FGFR2: variants seen among roughly 807,000 people sequenced by gnomAD.
FGFR2 encodes the protein fibroblast growth factor receptor 2.
A neutral mutation model predicts 95.9 loss-of-function variants in FGFR2; 19 were observed. That is an observed-to-expected ratio of 0.20 (90% CI 0.14 to 0.29). The LOEUF is 0.29. Among genes scored for constraint, FGFR2 ranks in the 10% least tolerant of loss-of-function variants. The pLI is 1.00. For synonymous variants in FGFR2, 392 were observed against 393.3 expected (o/e 1.00, Z 0.04); for missense variants, 707 against 1,056.9 (o/e 0.67, Z 4.59).
At chr10:121,534,138 G>A (rs373455901) in intron 6 of FGFR2, among the ~76,000 whole-genome samples, 13 of 124,070 alleles carry the variant, frequency 1.0e-4, no homozygotes, top group East Asian at 2.3e-4. Flanking sequence ...TCACTTTGTC[G>A]CCCAGGCTGG....
intron 2 of FGFR2, 140 bp downstream of exon 2, chr10:121,593,569 C>T: frequency 1.2e-5 from 9 of 753,148 alleles, no homozygotes; most frequent in South Asian, 7.6e-5. Flanking sequence ...TCTGCCTTGC[C>T]GGGAGCCAAG....
At chr10:121,573,988 AG>A (rs1173232661) in intron 2 of FGFR2, among the ~76,000 whole-genome samples, 1 of 152,154 alleles carries the variant, frequency 6.6e-6, no homozygotes, top group Non-Finnish European at 1.5e-5. Context: ...GCACATGGCA[AG>A]TAAGTGGCCG....
chr10:121,513,225 C>T (rs1054793760), intron 9 of FGFR2, among the ~76,000 whole-genome samples: 8 of 152,202 alleles, frequency 5.3e-5, no homozygotes, highest in African/African-American at 1.9e-4. Flanking sequence ...TGTGAGTATA[C>T]ATATAATTAC....
intron 6 of FGFR2, among the ~76,000 whole-genome samples, chr10:121,537,352 C>G (rs1853001185): frequency 6.6e-6 from 1 of 152,206 alleles, no homozygotes; most frequent in Non-Finnish European, 1.5e-5. Context: ...GATCCAATTC[C>G]ATTTAACTTG....
At chr10:121,507,921 C>A (rs7920203) in intron 9 of FGFR2, among the ~76,000 whole-genome samples, 1,667 of 151,994 alleles carry the variant, frequency 0.011, 28 homozygotes, top group African/African-American at 0.038. Flanking sequence ...TATTTGAAAG[C>A]TAATTAATAA....
At chr10:121,560,070 C>A (rs1856729699) in intron 4 of FGFR2, among the ~76,000 whole-genome samples, 1 of 152,180 alleles carries the variant, frequency 6.6e-6, no homozygotes, top group Non-Finnish European at 1.5e-5. Flanking sequence ...CTGTAAACAC[C>A]TGTACAAGCA....
At position 121,598,418 on chromosome 10, in the gene FGFR2, G is replaced by C. The variant is rs890084209; in HGVS notation, c.-607C>G. 5 of 154,746 alleles carry C rather than the reference G, an allele frequency of 3.2e-5. No homozygotes were observed. Among genetic ancestry groups the C allele is most frequent in the African/African-American group, 1.2e-4 (5 of 41,068 alleles). 9.6% of individuals were successfully genotyped at this position (154,746 alleles called of 1,614,324 possible). A position where few individuals can be genotyped will look rare whatever the true frequency, so the allele number is the denominator to read the frequency against. On this transcript the variant is annotated 5_prime_UTR_variant, in exon 1 of 18. Coordinates refer to ENST00000358487, the MANE Select transcript of FGFR2 (RefSeq NM_000141.5). ...CTCGCCCGCTCCGCACCCGCCGCCCGCCCGCTCGGCTCTCCACCGCGCTCT... is the reference window on the plus strand; with the variant it reads ...CTCGCCCGCTCCGCACCCGCCGCCCCCCCGCTCGGCTCTCCACCGCGCTCT...
intron 4 of FGFR2, 41 bp downstream of exon 4, chr10:121,564,461 G>T: frequency 6.4e-7 from 1 of 1,566,284 alleles, no homozygotes; most frequent in Non-Finnish European, 8.8e-7. Context: ...TTCCCTCCAT[G>T]CTCCTCTCTC....
At chr10:121,577,059 T>C (rs935692619) in intron 2 of FGFR2, among the ~76,000 whole-genome samples, 2 of 136,976 alleles carry the variant, frequency 1.5e-5, no homozygotes, top group Admixed American at 7.8e-5. Flanking sequence ...CGCTTGAACC[T>C]GGGAGGCGGA....
intron 4 of FGFR2, among the ~76,000 whole-genome samples, chr10:121,560,723 C>T (rs1564990591): frequency 6.7e-6 from 1 of 150,148 alleles, no homozygotes; most frequent in Non-Finnish European, 1.5e-5. Context: ...TGGTACAAAT[C>T]ACAGAAGATA....
At chr10:121,496,435 G>T (rs1174745849) in intron 13 of FGFR2, 97 bp downstream of exon 13, 20 of 1,147,708 alleles carry the variant, frequency 1.7e-5, no homozygotes, top group Non-Finnish European at 2.4e-5. Flanking sequence ...ACATGCGAGG[G>T]CTTGATCTAG....
chr10:121,569,920 G>T (rs959916239), intron 2 of FGFR2, among the ~76,000 whole-genome samples: 2 of 152,182 alleles, frequency 1.3e-5, no homozygotes, highest in Admixed American at 1.3e-4. Context: ...ACATGTTAGG[G>T]AGAATGCATG....
chr10:121,597,649 T>A (rs1863653287), intron 1 of FGFR2, among the ~76,000 whole-genome samples: 1 of 152,076 alleles, frequency 6.6e-6, no homozygotes, highest in Non-Finnish European at 1.5e-5. Flanking sequence ...TGCTCTGGGG[T>A]CGGAGAAACG....
intron 15 of FGFR2, among the ~76,000 whole-genome samples, 168 bp downstream of exon 15, chr10:121,487,186 C>A (rs1845528305): frequency 6.6e-6 from 1 of 152,206 alleles, no homozygotes; most frequent in African/African-American, 2.4e-5. Flanking sequence ...AGTAACAGAG[C>A]ATTGGTTATC....
chr10:121,549,738 A>G (rs1045731673), intron 5 of FGFR2, among the ~76,000 whole-genome samples: 163 of 152,164 alleles, frequency 1.1e-3, no homozygotes, highest in African/African-American at 3.8e-3. Context: ...TCAGTGAGGA[A>G]CTGAGGCCCT....
chr10:121,530,774 C>T (rs1220561611), intron 6 of FGFR2, among the ~76,000 whole-genome samples: 3 of 152,186 alleles, frequency 2.0e-5, no homozygotes, highest in Non-Finnish European at 4.4e-5. Context: ...ACTTATTAAA[C>T]TGTTTTTTGA....
At chr10:121,571,242 A>C (rs1590038090) in intron 2 of FGFR2, among the ~76,000 whole-genome samples, 1 of 128,798 alleles carries the variant, frequency 7.8e-6, no homozygotes, top group Non-Finnish European at 1.6e-5. Flanking sequence ...TGATACGCCC[A>C]CCTCAGCCTC....
intron 4 of FGFR2, among the ~76,000 whole-genome samples, chr10:121,552,594 A>T (rs1304698771): frequency 2.0e-5 from 3 of 152,220 alleles, no homozygotes; most frequent in Non-Finnish European, 4.4e-5. Flanking sequence ...ACTGCTAAGA[A>T]GATGCAGCTT....
rs1850293783 is a variant in FGFR2, at chr10:121,520,065, G to T, written c.853C>A (p.Gln285Lys). ...EFVCKVYSDA[Q>K]PHIQWIKHVE... ...TGCTTGATCCACTGGATGTGGGGCT[G>T]GGCATCACTGTAAACCTTGCAGACA... Residue 285 changes from glutamine (Q) to lysine (K), a missense_variant, in exon 7 of 18, where the codon CAG (glutamine) becomes AAG (lysine). Around this residue, in one of 7 missense-constraint regions of FGFR2, gnomAD observed 139 missense variants for 278.1 expected, o/e 0.50. Transcript: ENST00000358487. 6.2e-7 allele frequency: 1 copy of T among 1,614,120 alleles called. No individual in the cohort carries two copies. Among genetic ancestry groups the T allele is most frequent in the Non-Finnish European group, 8.5e-7 (1 of 1,180,046 alleles).
Sources: allele counts gnomAD v4.1 joint callset (sites outside exome capture counted in the v4.1 genomes callset), GRCh38; gene constraint gnomAD v4.1.1; regional missense constraint gnomAD v4.1.1; transcripts MANE v1.5; gene names NCBI Gene and HGNC (gene_info 2026-07-23, HGNC 2026-07-21).